Variants in PIBF1 observed in about 807,000 individuals in gnomAD.
PIBF1 encodes the protein progesterone immunomodulatory binding factor 1, also known as progesterone-induced-blocking factor 1.
Under a neutral mutation model 112.5 loss-of-function variants are expected in PIBF1, and 90 were observed. That is an observed-to-expected ratio of 0.80 (90% CI 0.67 to 0.95). PIBF1 has a LOEUF of 0.95. Among genes scored for constraint, PIBF1 ranks in the 40% least tolerant of loss-of-function variants. The probability of loss-of-function intolerance (pLI) is 0.00; values close to 1 mark genes in which losing one functional copy is unlikely to be tolerated. For missense variants in PIBF1, 915 were observed against 852.3 expected (o/e 1.07, Z -0.92); for synonymous variants, 301 against 288.6 (o/e 1.04, Z -0.44).
chr13:72,818,466 A>T (rs1443375175), intron 5 of PIBF1, among the ~76,000 whole-genome samples: 1 of 152,088 alleles, frequency 6.6e-6, no homozygotes, highest in African/African-American at 2.4e-5. Flanking sequence ...TATAGCCCAC[A>T]TTTGGTTCCT....
At chr13:72,801,869 T>C (rs1341123317) in intron 5 of PIBF1, among the ~76,000 whole-genome samples, 1 of 152,130 alleles carries the variant, frequency 6.6e-6, no homozygotes, top group Non-Finnish European at 1.5e-5. Flanking sequence ...GCAGAGAAAA[T>C]TTATGACATT....
At chr13:72,977,180 GTTGTTTTGTTTTGTT>G (rs10617060) in intron 16 of PIBF1, among the ~76,000 whole-genome samples, 1 of 151,150 alleles carries the variant, frequency 6.6e-6, no homozygotes, top group Non-Finnish European at 1.5e-5. Flanking sequence ...TTAATGTTGT[GTTGTTTTGTTTTGTT>G]TTGTTTTGTT....
At chr13:72,888,521 T>G (rs957236228) in intron 10 of PIBF1, among the ~76,000 whole-genome samples, 3 of 152,162 alleles carry the variant, frequency 2.0e-5, no homozygotes, top group African/African-American at 7.2e-5. Context: ...TGTTTGCTTG[T>G]GCATGGGAGG....
At chr13:72,998,347 G>A (rs1361317546) in intron 16 of PIBF1, among the ~76,000 whole-genome samples, 1 of 152,060 alleles carries the variant, frequency 6.6e-6, no homozygotes, top group African/African-American at 2.4e-5. Flanking sequence ...GTGGTGGCAT[G>A]CGCCTGTAGT....
intron 14 of PIBF1, among the ~76,000 whole-genome samples, chr13:72,935,847 C>G (rs1239587665): frequency 1.3e-5 from 2 of 151,912 alleles, no homozygotes; most frequent in East Asian, 3.9e-4. Context: ...GGAGAAGTGT[C>G]TCCTCACATT....
intron 9 of PIBF1, among the ~76,000 whole-genome samples, chr13:72,836,417 C>G: frequency 6.6e-6 from 1 of 152,002 alleles, no homozygotes; most frequent in East Asian, 1.9e-4. Context: ...GTCATTTCTA[C>G]TAGGAATATA....
intron 13 of PIBF1, among the ~76,000 whole-genome samples, chr13:72,921,627 C>T (rs961626504): frequency 1.3e-5 from 2 of 152,088 alleles, no homozygotes; most frequent in Admixed American, 6.5e-5. Flanking sequence ...TTATCCAAAA[C>T]GTTAATTTTT....
chr13:72,867,915 G>C (rs1334054976), intron 10 of PIBF1, among the ~76,000 whole-genome samples: 1 of 152,172 alleles, frequency 6.6e-6, no homozygotes, highest in Non-Finnish European at 1.5e-5. Flanking sequence ...CTCTTGGCTA[G>C]ATTATTCATA....
At chr13:72,853,118 CAA>C (rs2038247939) in intron 9 of PIBF1, among the ~76,000 whole-genome samples, 1 of 148,442 alleles carries the variant, frequency 6.7e-6, no homozygotes, top group Non-Finnish European at 1.5e-5. Context: ...TTTTTTTATT[CAA>C]AGTTTCATCT....
At chr13:72,916,626 A>C (rs1248261972) in intron 12 of PIBF1, among the ~76,000 whole-genome samples, 3 of 152,034 alleles carry the variant, frequency 2.0e-5, no homozygotes, top group Non-Finnish European at 2.9e-5. Context: ...AGAGTAACCT[A>C]CATAAGTACA....
chr13:72,895,039 GCTTA>G (rs2040224297), intron 11 of PIBF1, among the ~76,000 whole-genome samples: 3 of 151,476 alleles, frequency 2.0e-5, no homozygotes, highest in African/African-American at 7.3e-5. Flanking sequence ...AGGGAGGATT[GCTTA>G]AGCCCAGGAG....
intron 5 of PIBF1, among the ~76,000 whole-genome samples, chr13:72,807,624 C>T (rs185814695): frequency 6.6e-6 from 1 of 152,236 alleles, no homozygotes; most frequent in East Asian, 1.9e-4. Context: ...AAAGTATAAT[C>T]TCAAGTTTGT....
chr13:72,983,851 G>T (rs1261214573), intron 16 of PIBF1, among the ~76,000 whole-genome samples: 1 of 151,296 alleles, frequency 6.6e-6, no homozygotes, highest in Admixed American at 6.8e-5. Context: ...TTTACAGTCA[G>T]CATGCTAAAA....
chr13:72,859,742 G>C (rs2038608489), intron 10 of PIBF1, among the ~76,000 whole-genome samples: 2 of 152,080 alleles, frequency 1.3e-5, no homozygotes, highest in African/African-American at 2.4e-5. Flanking sequence ...TTTCAATATG[G>C]AGATATTATC....
intron 11 of PIBF1, among the ~76,000 whole-genome samples, chr13:72,894,485 G>A (rs982707057): frequency 6.6e-6 from 1 of 151,814 alleles, no homozygotes; most frequent in African/African-American, 2.4e-5. Flanking sequence ...AGTGTGTTCT[G>A]AGGCAAGAAT....
intron 14 of PIBF1, among the ~76,000 whole-genome samples, chr13:72,953,114 C>T (rs1455245159): frequency 2.0e-5 from 3 of 152,072 alleles, no homozygotes; most frequent in African/African-American, 7.2e-5. Context: ...CCACAGCTCT[C>T]CTTCCAGGCC....
intron 10 of PIBF1, among the ~76,000 whole-genome samples, chr13:72,856,720 T>A (rs551523976): frequency 1.3e-5 from 2 of 152,320 alleles, no homozygotes; most frequent in South Asian, 4.1e-4. Flanking sequence ...AAGGGAAAAG[T>A]ATCCCTGGTT....
intron 10 of PIBF1, among the ~76,000 whole-genome samples, chr13:72,876,791 A>G (rs544311344): frequency 2.0e-5 from 3 of 152,330 alleles, no homozygotes; most frequent in African/African-American, 7.2e-5. Context: ...CAACATTGCT[A>G]TAATCACTTA....
intron 9 of PIBF1, among the ~76,000 whole-genome samples, chr13:72,841,859 A>G (rs1406515905): frequency 6.6e-6 from 1 of 152,220 alleles, no homozygotes; most frequent in Non-Finnish European, 1.5e-5. Flanking sequence ...TACATTATAA[A>G]TTATAGATGT....
Sources: gnomAD v4.1 joint callset for allele counts (sites outside exome capture counted in the v4.1 genomes callset) on GRCh38, gnomAD v4.1.1 for gene constraint, MANE v1.5 for transcripts, NCBI Gene and HGNC (gene_info 2026-07-23, HGNC 2026-07-21) for gene names.